Variants in PCDHGB3 observed in about 807,000 individuals in gnomAD.
PCDHGB3 encodes the protein protocadherin gamma subfamily B, 3, also known as protocadherin gamma-B3.
Under a neutral mutation model 59.2 loss-of-function variants are expected in PCDHGB3, and 40 were observed. That is an observed-to-expected ratio of 0.68 (90% CI 0.52 to 0.88). The LOEUF is 0.88. PCDHGB3 is among the 40% of genes least tolerant of loss of function. PCDHGB3 has a pLI of 0.00. For missense variants in PCDHGB3, 1,309 were observed against 1,187.9 expected, an observed-to-expected ratio of 1.10 and a Z score of -1.50; for synonymous variants, 581 against 503.6, an observed-to-expected ratio of 1.15 and a Z score of -2.06.
Position 141,490,721 on chromosome 5 carries a change from T to C in PCDHGB3, c.2416-4086T>C, listed in dbSNP as rs779242781. On this transcript the variant is annotated intron_variant, in intron 1 of 3. Coordinates refer to ENST00000576222, the MANE Select transcript of PCDHGB3 (RefSeq NM_018924.5). This position sits in a 1 kb window ranked among gnomAD's most constrained non-coding sequence, Gnocchi z 5.4. The stretch of plus-strand genomic sequence containing the variant: ...AATGCCCGCCTCACCTACTCCATTG[T>C]AGGAAATCAGGTTCAGGGAGCCCCA... 23 of 1,614,056 alleles carry C rather than the reference T, an allele frequency of 1.4e-5. No individual in the cohort carries two copies. The highest frequency in any genetic ancestry group is 6.6e-5 in the South Asian group (6 of 91,080).
intron 1 of PCDHGB3, chr5:141,423,090 G>GT (rs2096707772): frequency 2.5e-6 from 4 of 1,613,904 alleles, no homozygotes; most frequent in African/African-American, 2.7e-5. Flanking sequence ...TCGCGGTGGG[G>GT]GAGCACACGG....
chr5:141,507,937 A>T (rs2154594220), intron 3 of PCDHGB3: 1 of 152,420 alleles, frequency 6.6e-6, no homozygotes, highest in Admixed American at 6.5e-5. Context: ...AGAGGGGTTA[A>T]GTAAGAGGGA....
chr5:141,427,742 C>T, intron 1 of PCDHGB3: 2 of 1,247,208 alleles, frequency 1.6e-6, no homozygotes, highest in Non-Finnish European at 2.3e-6. Context: ...GCCAAGTCTC[C>T]TACTCCATCG....
chr5:141,454,932 C>G (rs945154196), intron 1 of PCDHGB3, among the ~76,000 whole-genome samples: 7 of 150,770 alleles, frequency 4.6e-5, no homozygotes, highest in Non-Finnish European at 1.0e-4. Context: ...CTCAGCCTCC[C>G]GAGTAGCTGG....
rs183257097 is a variant in PCDHGB3 at position 141,389,274 on chromosome 5, C to G, written c.2415+16465C>G. 189 of 1,614,032 alleles carry G rather than the reference C, an allele frequency of 1.2e-4. 1 individual carries two copies. In the East Asian group the frequency reaches 4.2e-3, roughly 36 times the overall value. On this transcript the variant is annotated intron_variant, in intron 1 of 3. Coordinates refer to ENST00000576222, the MANE Select transcript of PCDHGB3 (RefSeq NM_018924.5). ...TATAGTCCACGTGGCCGAGAACAACCCGCCTGGAGCCTCTATTTCACAAGT... is the reference window on the plus strand; with the variant it reads ...TATAGTCCACGTGGCCGAGAACAACGCGCCTGGAGCCTCTATTTCACAAGT...
chr5:141,395,448 T>C, intron 1 of PCDHGB3: 1 of 647,116 alleles, frequency 1.5e-6, no homozygotes, highest in Non-Finnish European at 2.5e-6. Flanking sequence ...GAAAAGATTG[T>C]TCAACCATTT....
At position 141,485,841 on chromosome 5, in the gene PCDHGB3, C is replaced by G. The variant is rs969476505; in HGVS notation, c.2416-8966C>G. On this transcript the variant is annotated intron_variant, in intron 1 of 3. Transcript: ENST00000576222. This position sits in a 1 kb window ranked among gnomAD's most constrained non-coding sequence, Gnocchi z 5.7. Reference sequence around the variant, plus strand: ...GTCGATGGAGGGAACCCGCCGAGATCTGGCACCGCAGAGCTCCGGGTATCC... The same window carrying G: ...GTCGATGGAGGGAACCCGCCGAGATGTGGCACCGCAGAGCTCCGGGTATCC... 29 of 1,614,104 alleles carry G rather than the reference C, an allele frequency of 1.8e-5. No individual in the cohort carries two copies. The highest frequency in any genetic ancestry group is 2.2e-5 in the South Asian group (2 of 91,080).
chr5:141,412,219 C>T (rs549742411), intron 1 of PCDHGB3: 1 of 152,334 alleles, frequency 6.6e-6, no homozygotes, highest in African/African-American at 2.4e-5. Context: ...TAAACACTTA[C>T]TTGTTAAAAA....
intron 1 of PCDHGB3, chr5:141,384,146 C>T (rs369384722): frequency 6.2e-7 from 1 of 1,613,048 alleles, no homozygotes; most frequent in African/African-American, 1.3e-5. Context: ...GAAACACTCT[C>T]TTTGTATAAC....
In PCDHGB3 at chr5:141,487,260, C is replaced by T; in HGVS notation, c.2416-7547C>T. 6.2e-7 allele frequency: 1 copy of T among 1,614,116 alleles called. No homozygotes were observed. The highest frequency in any genetic ancestry group is 1.1e-5 in the South Asian group (1 of 91,080). On this transcript the variant is annotated intron_variant, in intron 1 of 3. Coordinates refer to ENST00000576222, the MANE Select transcript of PCDHGB3 (RefSeq NM_018924.5). The surrounding 1 kb of genome is among the most constrained non-coding windows in gnomAD (Gnocchi z 5.0). ...CGTCTAACCCTCTACTTGGCTGTGT[C>T]CCTAGTGGCAATTTGCTTTGTCTCC...
intron 1 of PCDHGB3, among the ~76,000 whole-genome samples, chr5:141,482,782 G>T (rs775083331): frequency 1.6e-4 from 25 of 152,154 alleles, no homozygotes; most frequent in Non-Finnish European, 3.2e-4. Context: ...ACCTTAAACT[G>T]TGTGTGTGGC....
chr5:141,403,697 G>A (rs1230785832), intron 1 of PCDHGB3: 5 of 1,613,830 alleles, frequency 3.1e-6, no homozygotes, highest in Admixed American at 1.7e-5. Context: ...GATTTACCGA[G>A]TTAAAGTCCT....
At chr5:141,459,165 C>T (rs1418626354) in intron 1 of PCDHGB3, among the ~76,000 whole-genome samples, 2 of 152,130 alleles carry the variant, frequency 1.3e-5, no homozygotes, top group African/African-American at 4.8e-5. Context: ...ATTTCTATAA[C>T]CTTCAAAAGT....
intron 1 of PCDHGB3, chr5:141,426,709 A>G (rs1259104705): frequency 6.8e-6 from 3 of 443,800 alleles, no homozygotes; most frequent in South Asian, 3.1e-5. Flanking sequence ...TTACAAATCA[A>G]TGAACTAGCA....
intron 1 of PCDHGB3, among the ~76,000 whole-genome samples, chr5:141,437,310 C>T (rs1226274834): frequency 6.6e-6 from 1 of 152,166 alleles, no homozygotes; most frequent in Non-Finnish European, 1.5e-5. Flanking sequence ...TTAAAGCGTT[C>T]AGCTATAATT....
intron 1 of PCDHGB3, among the ~76,000 whole-genome samples, chr5:141,492,631 A>G (rs1203365582): frequency 6.6e-6 from 1 of 152,184 alleles, no homozygotes; most frequent in Non-Finnish European, 1.5e-5. Flanking sequence ...GCAGGACTCT[A>G]CGATCCTTGG....
chr5:141,503,392 C>T lies in PCDHGB3; in HGVS notation c.2475-2001C>T, dbSNP rs554732406. 1.2e-4 allele frequency among the ~76,000 whole-genome samples: 18 copies of T among 151,870 alleles called. No individual in the cohort carries two copies. The South Asian group carries it at 3.5e-3, about 30-fold the overall frequency. On this transcript the variant is annotated intron_variant, in intron 2 of 3. Transcript: ENST00000576222. ...CAGGTGGATCATGAGGTCAGGAGTT[C>T]GAAACCAACCTGGCCAATATGGTGA...
In PCDHGB3 at chr5:141,487,494, C is replaced by T. The variant is rs116370895; in HGVS notation, c.2416-7313C>T. 12 of 1,614,120 alleles carry T rather than the reference C, an allele frequency of 7.4e-6. No individual in the cohort carries two copies. The East Asian group carries it at 1.1e-4, about 15-fold the overall frequency. On this transcript the variant is annotated intron_variant, in intron 1 of 3. Transcript: ENST00000576222. The surrounding 1 kb of genome is among the most constrained non-coding windows in gnomAD (Gnocchi z 5.0). Reference sequence around the variant, plus strand: ...GGAGGCCACTCTCATGGCTGTACACCCTTGGCTTCTGCACCCACTCGGAGT... The same window carrying T: ...GGAGGCCACTCTCATGGCTGTACACTCTTGGCTTCTGCACCCACTCGGAGT...
At chr5:141,478,283 T>C (rs755297808) in intron 1 of PCDHGB3, 2 of 1,614,148 alleles carry the variant, frequency 1.2e-6, no homozygotes, top group South Asian at 2.2e-5. Context: ...GTGGAAGCAG[T>C]CTAGAGACCT....
Sources: gnomAD v4.1 joint callset for allele counts (sites outside exome capture counted in the v4.1 genomes callset) on GRCh38, gnomAD v4.1.1 for gene constraint, Gnocchi (gnomAD v3.1) non-coding constraint, MANE v1.5 for transcripts, NCBI Gene and HGNC (gene_info 2026-07-23, HGNC 2026-07-21) for gene names.